SPMIP7: variants seen among roughly 807,000 people sequenced by gnomAD.
SPMIP7 encodes the protein sperm microtubule inner protein 7.
At chr7:50,144,077 C>T in the SPMIP7 span, among the ~76,000 whole-genome samples, 1 of 152,138 alleles carries the variant, frequency 6.6e-6, no homozygotes, top group African/African-American at 2.4e-5. Context: ...TGTAAACATT[C>T]TTAAAAAGTT....
At chr7:50,105,363 T>C in the SPMIP7 span, among the ~76,000 whole-genome samples, 1 of 152,226 alleles carries the variant, frequency 6.6e-6, no homozygotes, top group African/African-American at 2.4e-5. Context: ...GCAGTAAAGG[T>C]ATGAATACAT....
At chr7:50,128,862 A>G in the SPMIP7 span, among the ~76,000 whole-genome samples, 869 of 152,134 alleles carry the variant, frequency 5.7e-3, 29 homozygotes, top group South Asian at 0.089. Flanking sequence ...CCAGATAAAC[A>G]AAAATATAGC....
the SPMIP7 span, among the ~76,000 whole-genome samples, chr7:50,124,805 T>G: frequency 6.6e-6 from 1 of 151,956 alleles, no homozygotes; most frequent in East Asian, 1.9e-4. Flanking sequence ...GTTTCAATAT[T>G]AAGAAACTAG....
chr7:50,154,793 A>G, the SPMIP7 span, among the ~76,000 whole-genome samples: 7 of 152,192 alleles, frequency 4.6e-5, no homozygotes, highest in Non-Finnish European at 1.0e-4. Context: ...ACTGTTTTCC[A>G]TAATGGCTTC....
the SPMIP7 span, among the ~76,000 whole-genome samples, chr7:50,125,094 GTATATATA>G: frequency 0.054 from 4,009 of 73,790 alleles, 506 homozygotes; most frequent in South Asian, 0.15. Context: ...GTGAGATTAA[GTATATATA>G]TATATATATA....
chr7:50,157,213 T>C, the SPMIP7 span, among the ~76,000 whole-genome samples: 1 of 152,124 alleles, frequency 6.6e-6, no homozygotes, highest in African/African-American at 2.4e-5. Flanking sequence ...TCCCACACCA[T>C]ATTTGGAGCA....
the SPMIP7 span, among the ~76,000 whole-genome samples, chr7:50,108,864 G>A: frequency 2.0e-5 from 3 of 152,052 alleles, no homozygotes; most frequent in Non-Finnish European, 2.9e-5. Flanking sequence ...AAAGTACAGG[G>A]GATTGGGTTG....
the SPMIP7 span, among the ~76,000 whole-genome samples, chr7:50,123,429 AG>A: frequency 2.3e-5 from 2 of 86,622 alleles, no homozygotes; most frequent in Non-Finnish European, 4.5e-5. Context: ...GGGTGGGGGA[AG>A]GGGGGAGGGA....
At chr7:50,104,288 C>T in the SPMIP7 span, 467 of 1,286,438 alleles carry the variant, frequency 3.6e-4, 2 homozygotes, top group Non-Finnish European at 4.8e-4. Context: ...TAACCAAAAT[C>T]CCATTCGCTT....
chr7:50,155,876 T>A, the SPMIP7 span, among the ~76,000 whole-genome samples: 1 of 1,192 alleles, frequency 8.4e-4, no homozygotes, highest in African/African-American at 1.7e-3. Context: ...ATCCATGGCC[T>A]GAGTGGGACC....
chr7:50,128,781 T>C, the SPMIP7 span, among the ~76,000 whole-genome samples: 1 of 152,010 alleles, frequency 6.6e-6, no homozygotes, highest in East Asian at 1.9e-4. Context: ...GGACAGTAAA[T>C]AGATAAAGAT....
chr7:50,136,703 C>T, the SPMIP7 span, among the ~76,000 whole-genome samples: 1 of 152,010 alleles, frequency 6.6e-6, no homozygotes, highest in African/African-American at 2.4e-5. Flanking sequence ...ATGTTAGAAA[C>T]TATGGTTTCA....
chr7:50,108,844 TTCAGTTA>T, the SPMIP7 span, among the ~76,000 whole-genome samples: 7 of 152,222 alleles, frequency 4.6e-5, no homozygotes, highest in African/African-American at 1.7e-4. Context: ...ATGTAGTTAT[TTCAGTTA>T]TCAAAGTACA....
At chr7:50,096,995 A>G in the SPMIP7 span, among the ~76,000 whole-genome samples, 8 of 152,238 alleles carry the variant, frequency 5.3e-5, no homozygotes, top group African/African-American at 1.9e-4. Flanking sequence ...GAATGAATTC[A>G]CTGATATTAT....
At chr7:50,135,277 T>A in the SPMIP7 span, among the ~76,000 whole-genome samples, 6 of 152,220 alleles carry the variant, frequency 3.9e-5, no homozygotes, top group Non-Finnish European at 7.3e-5. Flanking sequence ...TTTGTGCCAC[T>A]TCTCACGCGT....
the SPMIP7 span, among the ~76,000 whole-genome samples, chr7:50,110,222 A>G: frequency 4.0e-5 from 6 of 151,592 alleles, no homozygotes; most frequent in Non-Finnish European, 5.9e-5. Context: ...TTTAAAAAGT[A>G]AAGACCTAAT....
chr7:50,125,094 G>GTATATA, the SPMIP7 span, among the ~76,000 whole-genome samples: 41 of 73,810 alleles, frequency 5.6e-4, 3 homozygotes, highest in Non-Finnish European at 8.9e-4. Context: ...GTGAGATTAA[G>GTATATA]TATATATATA....
chr7:50,151,557 G>T, the SPMIP7 span: 9 of 1,537,210 alleles, frequency 5.9e-6, no homozygotes, highest in Non-Finnish European at 7.9e-6. Context: ...GAACTGCACC[G>T]GTAAGTATGA....
chr7:50,140,139 G>T, the SPMIP7 span: 1 of 1,497,432 alleles, frequency 6.7e-7, no homozygotes, highest in Non-Finnish European at 8.9e-7. Context: ...CTTTTTTGAA[G>T]TGTGAGTTCA....
Sources: gnomAD v4.1 joint callset for allele counts (sites outside exome capture counted in the v4.1 genomes callset) on GRCh38, gnomAD v4.1.1 for gene constraint, MANE v1.5 for transcripts, NCBI Gene and HGNC (gene_info 2026-07-23, HGNC 2026-07-21) for gene names.